Variants in MYB observed in about 807,000 individuals in gnomAD.
The protein encoded by MYB is transcriptional activator Myb.
MYB carries 28 observed loss-of-function variants against 92.9 expected under a neutral mutation model. The ratio of observed to expected loss-of-function variants is 0.30; its 90% CI spans 0.22 to 0.41. The LOEUF is 0.41. MYB is among the 10% of genes least tolerant of loss of function. The pLI, the probability that MYB is intolerant of heterozygous loss-of-function variation, is 1.00. For missense variants in MYB, 679 were observed against 929.3 expected, an observed-to-expected ratio of 0.73 and a Z score of 3.50; for synonymous variants, 295 against 329.1, an observed-to-expected ratio of 0.90 and a Z score of 1.12.
At position 135,190,426 on chromosome 6, in the gene MYB, G is replaced by A. The variant is rs59792981; in HGVS notation, c.527+79G>A. The stretch of plus-strand genomic sequence containing the variant: ...GAACATTCTGCTTTAAATGTATGGT[G>A]AGTAAATTATATTTCATCAGTCGTA... On this transcript the variant is annotated intron_variant, in intron 5 of 15. Transcript: ENST00000341911. The surrounding 1 kb of genome is among the most constrained non-coding windows in gnomAD (Gnocchi z 4.5). 1.0e-3 allele frequency: 1,122 copies of A among 1,080,802 alleles called. 21 individuals carry two copies. In the East Asian group the frequency reaches 0.026, roughly 26 times the overall value. 67.0% of individuals were successfully genotyped at this position (1,080,802 alleles called of 1,614,324 possible).
rs533054622 is a variant in MYB, at chr6:135,181,606, G to C, written c.23+70G>C. The C allele has an allele frequency of 3.0e-3, 3,167 of 1,041,678 alleles. 29 individuals carry two copies. In the South Asian group the frequency reaches 0.034, roughly 11 times the overall value. The allele number at this position is 1,041,678 out of a possible 1,614,324, so 64.5% of individuals were successfully genotyped here. A position where few individuals can be genotyped will look rare whatever the true frequency, so the allele number is the denominator to read the frequency against. The stretch of plus-strand genomic sequence containing the variant: ...GGCGCGCGGGGCGCCAGGCTCCCGG[G>C]AGCAGGTGGGAATTCGTTCCGGGAT... On this transcript the variant is annotated intron_variant, in intron 1 of 15. Coordinates refer to ENST00000341911, the MANE Select transcript of MYB (RefSeq NM_001130173.2). The surrounding 1 kb of genome is among the most constrained non-coding windows in gnomAD (Gnocchi z 5.3).
At chr6:135,209,940 G>A (rs1779483695) in intron 15 of MYB, among the ~76,000 whole-genome samples, 1 of 152,188 alleles carries the variant, frequency 6.6e-6, no homozygotes, top group South Asian at 2.1e-4. Context: ...AAATGAGGAA[G>A]TAGAGAAAAC....
intron 14 of MYB, chr6:135,202,648 G>A (rs41294868): frequency 0.11 from 26,308 of 249,718 alleles, 1,527 homozygotes; most frequent in South Asian, 0.13. Context: ...GATTACAGGC[G>A]TGAGCCACCG....
intron 15 of MYB, among the ~76,000 whole-genome samples, chr6:135,215,816 C>T (rs1254157290): frequency 6.6e-6 from 1 of 152,124 alleles, no homozygotes; most frequent in Non-Finnish European, 1.5e-5. Flanking sequence ...GACAGTTCCT[C>T]AGTGTCCCAT....
chr6:135,190,156 G>A lies in MYB; in HGVS notation c.336G>A (p.Pro112=), dbSNP rs1776456513. ...TAGAGCTTGTACAGAAATACGGTCC[G>A]AAACGTTGGTCTGTTATTGCCAAGC... The part of the protein sequence containing the change: ...RVIELVQKYG[P]KRWSVIAKHL... Residue 112 remains proline (P), a synonymous_variant, in exon 5 of 16, where the codon CCG becomes CCA. Coordinates refer to ENST00000341911, the MANE Select transcript of MYB (RefSeq NM_001130173.2). The surrounding 1 kb of genome is among the most constrained non-coding windows in gnomAD (Gnocchi z 4.5). 6.2e-7 allele frequency: 1 copy of A among 1,613,996 alleles called. No individual in the cohort carries two copies. Among genetic ancestry groups the A allele is most frequent in the Admixed American group, 1.7e-5 (1 of 60,000 alleles).
rs531826017 is a variant in MYB, at chr6:135,218,935, A to C, written c.*955A>C. 8.8e-6 allele frequency: 2 copies of C among 227,186 alleles called. No individual in the cohort carries two copies. Among genetic ancestry groups the C allele is most frequent in the Non-Finnish European group, 8.8e-6 (1 of 113,984 alleles). 14.1% of individuals were successfully genotyped at this position (227,186 alleles called of 1,614,324 possible). On this transcript the variant is annotated 3_prime_UTR_variant, in exon 16 of 16. Transcript: ENST00000341911. ...TATGTTTTGTTTTGAGTGTAGCCTG[A>C]CTGTTTTATAATTTGGGAGTTCTGC...
At chr6:135,202,620 G>A (rs1214071055) in intron 14 of MYB, 3 of 198,116 alleles carry the variant, frequency 1.5e-5, no homozygotes, top group Non-Finnish European at 3.1e-5. Context: ...TACCCGCCTC[G>A]GCCTCCCAAA....
intron 11 of MYB, 75 bp downstream of exon 11, chr6:135,199,125 T>C (rs1777721113): frequency 6.5e-6 from 8 of 1,225,786 alleles, no homozygotes; most frequent in Non-Finnish European, 8.9e-6. Context: ...AGTTCCCAGA[T>C]GTCTGATCCA....
chr6:135,201,814 G>A, intron 14 of MYB, 65 bp downstream of exon 14: 2 of 929,562 alleles, frequency 2.2e-6, no homozygotes, highest in Non-Finnish European at 3.1e-6. Flanking sequence ...AATCCTGTGT[G>A]TGGCATAGGG....
intron 3 of MYB, among the ~76,000 whole-genome samples, chr6:135,188,790 A>G (rs540399900): frequency 3.3e-5 from 5 of 152,292 alleles, no homozygotes; most frequent in East Asian, 1.9e-4. Flanking sequence ...GATTGCAGGC[A>G]TGAGCCACCG....
chr6:135,193,764 C>A, intron 6 of MYB, 74 bp from the exon 7 acceptor site: 4 of 990,312 alleles, frequency 4.0e-6, no homozygotes, highest in East Asian at 2.4e-5. Context: ...CAGAACGAAA[C>A]CTCAGGAAGC....
chr6:135,206,567 G>A lies in MYB; in HGVS notation c.2169+3243G>A, dbSNP rs548522924. ...AAAAAATAGCCAGGCGTGGTGGTGCGCACATGTAATCCCAGCTACTTGGGA... is the reference window on the plus strand; with the variant it reads ...AAAAAATAGCCAGGCGTGGTGGTGCACACATGTAATCCCAGCTACTTGGGA... On this transcript the variant is annotated intron_variant, in intron 15 of 15. Transcript: ENST00000341911. Among the ~76,000 whole-genome samples the A allele has an allele frequency of 4.0e-4, 61 of 150,920 alleles. 1 individual carries two copies. In the South Asian group the frequency reaches 8.9e-3, roughly 22 times the overall value.
rs1204304691 is a variant in MYB, at chr6:135,197,175, G to A, written c.1418G>A (p.Ser473Asn). The A allele has an allele frequency of 1.9e-6, 3 of 1,613,976 alleles. No homozygotes were observed. Among genetic ancestry groups the A allele is most frequent in the East Asian group, 4.5e-5 (2 of 44,888 alleles). The change falls in exon 10 of 16, where the codon AGC becomes AAC. Residue 473 changes from serine (S) to asparagine (N), a missense_variant. Physicochemically the swap from Ser to Asn is conservative, Grantham distance 46. Coordinates refer to ENST00000341911, the MANE Select transcript of MYB (RefSeq NM_001130173.2). Reference sequence around the variant, plus strand: ...AAGGTCTTACCTCCTGCAAGGCACAGCACAATTCCACTGGTCATCCTTCGA... The same window carrying A: ...AAGGTCTTACCTCCTGCAAGGCACAACACAATTCCACTGGTCATCCTTCGA... Reference protein sequence around the residue: ...PPKVLPPARHSTIPLVILRKK... With the variant: ...PPKVLPPARHNTIPLVILRKK...
chr6:135,210,978 C>G (rs976635045), intron 15 of MYB, among the ~76,000 whole-genome samples: 1 of 151,798 alleles, frequency 6.6e-6, no homozygotes, highest in African/African-American at 2.4e-5. Flanking sequence ...ATTCCCTGTC[C>G]CACTCTTACA....
intron 2 of MYB, among the ~76,000 whole-genome samples, chr6:135,187,263 T>C (rs1776045617): frequency 3.9e-5 from 6 of 152,232 alleles, no homozygotes; most frequent in Admixed American, 1.3e-4. Flanking sequence ...TTTTCTTATA[T>C]AGCTTTCAAA....
chr6:135,181,656 C>A lies in MYB; in HGVS notation c.23+120C>A. The A allele has an allele frequency of 4.6e-6, 3 of 653,140 alleles. No individual in the cohort carries two copies. The highest frequency in any genetic ancestry group is 6.1e-6 in the Non-Finnish European group (3 of 494,900). The allele number at this position is 653,140 out of a possible 1,614,324, so 40.5% of individuals were successfully genotyped here. ...TCATCTGAGGGGCTGTCAGACCCTCCGAGGACCTGGAGCCCCTGCCTCGGC... is the reference window on the plus strand; with the variant it reads ...TCATCTGAGGGGCTGTCAGACCCTCAGAGGACCTGGAGCCCCTGCCTCGGC... On this transcript the variant is annotated intron_variant, in intron 1 of 15. Coordinates refer to ENST00000341911, the MANE Select transcript of MYB (RefSeq NM_001130173.2). This position sits in a 1 kb window ranked among gnomAD's most constrained non-coding sequence, Gnocchi z 5.3.
At position 135,195,887 on chromosome 6, in the gene MYB, C is replaced by T; in HGVS notation, c.1088C>T (p.Ser363Phe). The T allele has an allele frequency of 6.2e-7, 1 of 1,614,142 alleles. No homozygotes were observed. Among genetic ancestry groups the T allele is most frequent in the Non-Finnish European group, 8.5e-7 (1 of 1,180,022 alleles). ...STPSLPADPG[S>F]LPEESASPAR... ...CCATCTCTGCCAGCGGATCCTGGCTCCCTACCTGAAGAAAGCGCCTCGCCA... is the reference window on the plus strand; with the variant it reads ...CCATCTCTGCCAGCGGATCCTGGCTTCCTACCTGAAGAAAGCGCCTCGCCA... The change falls in exon 9 of 16, where the codon TCC (serine) becomes TTC (phenylalanine). Residue 363 changes from serine (S) to phenylalanine (F), a missense_variant. This residue lies in a region of MYB where 56 missense variants were observed against 55.8 expected (regional missense o/e 1.00). Transcript: ENST00000341911.
Position 135,192,597 on chromosome 6 carries a change from G to A in MYB, c.762+39G>A, listed in dbSNP as rs372036870. On this transcript the variant is annotated intron_variant, in intron 6 of 15. Transcript: ENST00000341911. The stretch of plus-strand genomic sequence containing the variant: ...GTGAATCTAGTTTAATGAGAGAGAC[G>A]GTTAGTTTAGCTCCAGGTAATAATC... The A allele has an allele frequency of 3.3e-4, 522 of 1,571,462 alleles. 1 individual carries two copies. The highest frequency in any genetic ancestry group is 2.3e-3 in the Middle Eastern group (14 of 5,986).
At chr6:135,194,525 C>A in intron 8 of MYB, 65 bp downstream of exon 8, 2 of 1,116,124 alleles carry the variant, frequency 1.8e-6, no homozygotes, top group Non-Finnish European at 2.7e-6. Flanking sequence ...CCTAAGCGCT[C>A]TTCTCTTCTA....
Sources: allele counts gnomAD v4.1 joint callset (sites outside exome capture counted in the v4.1 genomes callset), GRCh38; gene constraint gnomAD v4.1.1; regional missense constraint gnomAD v4.1.1; non-coding constraint Gnocchi (gnomAD v3.1); transcripts MANE v1.5; gene names NCBI Gene and HGNC (gene_info 2026-07-23, HGNC 2026-07-21).